The following RBL1 variants were observed in gnomAD, a reference collection of about 807,000 sequenced individuals.
RBL1 encodes RB transcriptional corepressor like 1.
A neutral mutation model predicts 123.0 loss-of-function variants in RBL1; 82 were observed. The ratio of observed to expected loss-of-function variants is 0.67; its 90% CI spans 0.56 to 0.80. The LOEUF is 0.80. RBL1 is among the 30% of genes least tolerant of loss of function. The pLI is 0.00. For missense variants in RBL1, 1,171 were observed against 1,299.6 expected (o/e 0.90, Z 1.52); for synonymous variants, 405 against 441.3 (o/e 0.92, Z 1.03).
chr20:37,088,363 ACT>A (rs774062647), intron 2 of RBL1, among the ~76,000 whole-genome samples: 1 of 151,866 alleles, frequency 6.6e-6, no homozygotes, highest in African/African-American at 2.4e-5. Context: ...ATAACAGGTG[ACT>A]CTGAGTCAAG....
At chr20:37,045,232 G>A (rs146998439) in intron 12 of RBL1, among the ~76,000 whole-genome samples, 1,725 of 151,788 alleles carry the variant, frequency 0.011, 15 homozygotes, top group Middle Eastern at 0.02. Flanking sequence ...TCAGCCTCCC[G>A]GGTAGCTGGG....
Position 37,016,387 on chromosome 20 carries a change from T to C in RBL1, c.2722+1892A>G, listed in dbSNP as rs113072939. On this transcript the variant is annotated intron_variant, in intron 19 of 21. Transcript: ENST00000373664. Reference sequence around the variant, plus strand: ...AAAAGGCTCCAGAATAATACACTTATGTAAAAAGAATTGAGTTTGGCCTAT... The same window carrying C: ...AAAAGGCTCCAGAATAATACACTTACGTAAAAAGAATTGAGTTTGGCCTAT... Among the ~76,000 whole-genome samples the C allele has an allele frequency of 3.2e-3, 494 of 152,096 alleles. 7 individuals are homozygous for C. Among genetic ancestry groups the C allele is most frequent in the African/African-American group, 0.012 (476 of 41,352 alleles).
chr20:37,036,509 C>T (rs2064614309), intron 14 of RBL1, among the ~76,000 whole-genome samples: 1 of 152,040 alleles, frequency 6.6e-6, no homozygotes, highest in Non-Finnish European at 1.5e-5. Flanking sequence ...AACTCCTGAC[C>T]TCAGGTGATC....
At chr20:37,067,172 A>G in intron 4 of RBL1, 51 bp from the exon 5 acceptor site, 1 of 1,572,818 alleles carries the variant, frequency 6.4e-7, no homozygotes, top group Non-Finnish European at 8.6e-7. Context: ...GAAACCTCTC[A>G]TGTCAAATAG....
At chr20:37,038,765 G>A (rs2146258541) in intron 14 of RBL1, among the ~76,000 whole-genome samples, 1 of 151,640 alleles carries the variant, frequency 6.6e-6, no homozygotes, top group East Asian at 1.9e-4. Context: ...ACCACACCCA[G>A]CTAATTTTTG....
chr20:37,095,902 C>T lies in RBL1; in HGVS notation c.27G>A (p.Glu9=). ...CGGCTGCGGCGACCACCGCCGCCCC[C>T]TCAGCGTGGGGCTTGTCCTCGAACA... MFEDKPHA[E]GAAVVAAAGE... Residue 9 remains glutamate (E), a synonymous_variant, in exon 1 of 22, where the codon GAG becomes GAA. Transcript: ENST00000373664. The T allele has an allele frequency of 6.2e-7, 1 of 1,602,014 alleles. No homozygotes were observed. Among genetic ancestry groups the T allele is most frequent in the African/African-American group, 1.3e-5 (1 of 74,896 alleles).
chr20:37,024,653 CTA>C (rs563054058), intron 16 of RBL1, among the ~76,000 whole-genome samples: 424 of 152,180 alleles, frequency 2.8e-3, no homozygotes, highest in Middle Eastern at 6.8e-3. Flanking sequence ...AGCTTCTAAT[CTA>C]TGAGCAGGTT....
At chr20:37,046,559 C>T (rs1392837474) in intron 12 of RBL1, among the ~76,000 whole-genome samples, 1 of 151,400 alleles carries the variant, frequency 6.6e-6, no homozygotes, top group African/African-American at 2.4e-5. Context: ...CCACTGTATG[C>T]TCAACTCTCT....
At position 37,055,680 on chromosome 20, in the gene RBL1, C is replaced by T. The variant is rs777152126; in HGVS notation, c.1364-24G>A. The T allele has an allele frequency of 4.5e-6, 7 of 1,572,702 alleles. No homozygotes were observed. The South Asian group carries it at 7.1e-5, about 16-fold the overall frequency. ...GTCTATCAGGGAAATACAGAGAAAA[C>T]ATGTGTTAATGAATTTTAGTTGTTA... On this transcript the variant is annotated intron_variant, in intron 10 of 21. Transcript: ENST00000373664.
At chr20:37,006,801 A>G (rs1322472751) in intron 20 of RBL1, among the ~76,000 whole-genome samples, 1 of 148,566 alleles carries the variant, frequency 6.7e-6, no homozygotes, top group South Asian at 2.2e-4. Flanking sequence ...AGATCGCACC[A>G]CTGCACGCCA....
chr20:37,033,703 C>T (rs532771416), intron 15 of RBL1, among the ~76,000 whole-genome samples: 1 of 151,680 alleles, frequency 6.6e-6, no homozygotes, highest in East Asian at 2.0e-4. Context: ...CCTCTGCCTC[C>T]CAGGTTCAAG....
In RBL1 at chr20:37,067,133, A is replaced by T; in HGVS notation, c.557-12T>A. 1 of 189,748 alleles carries T rather than the reference A, an allele frequency of 5.3e-6. No homozygotes were observed. Among genetic ancestry groups the T allele is most frequent in the Non-Finnish European group, 9.3e-6 (1 of 107,728 alleles). The allele number at this position is 189,748 out of a possible 1,614,324, so 11.8% of individuals were successfully genotyped here. A position where few individuals can be genotyped will look rare whatever the true frequency, so the allele number is the denominator to read the frequency against. ...CATCCGAAAATTACCTTTATAAGGG[A>T]AAAAAAAAAAAAAAAGACACAAAAA... On this transcript the variant is annotated splice_polypyrimidine_tract_variant and intron_variant, in intron 4 of 21. Transcript: ENST00000373664.
At chr20:37,082,632 T>C (rs761073555) in intron 2 of RBL1, among the ~76,000 whole-genome samples, 5 of 152,224 alleles carry the variant, frequency 3.3e-5, no homozygotes, top group Non-Finnish European at 7.3e-5. Flanking sequence ...CTTCATTTCT[T>C]GTGATTATTC....
chr20:37,051,421 T>G (rs1244486229), intron 11 of RBL1, among the ~76,000 whole-genome samples: 1 of 152,182 alleles, frequency 6.6e-6, no homozygotes, highest in East Asian at 1.9e-4. Context: ...CCTTAGGTGA[T>G]CCACCTGCGT....
intron 15 of RBL1, 94 bp from the exon 16 acceptor site, chr20:37,032,970 T>C: frequency 6.7e-7 from 1 of 1,492,502 alleles, no homozygotes; most frequent in Non-Finnish European, 8.9e-7. Context: ...CATATATCTG[T>C]GTGTATAAGA....
At chr20:37,032,982 G>A (rs2064539066) in intron 15 of RBL1, 106 bp from the exon 16 acceptor site, 16 of 1,431,660 alleles carry the variant, frequency 1.1e-5, no homozygotes, top group Non-Finnish European at 1.4e-5. Flanking sequence ...TGTATAAGAA[G>A]GCTACAAAAT....
intron 11 of RBL1, chr20:37,049,559 A>G: frequency 1.3e-6 from 1 of 756,156 alleles, no homozygotes; most frequent in Non-Finnish European, 2.4e-6. Context: ...AAATATTATA[A>G]GGTAGATGAG....
At chr20:37,003,654 G>T in intron 21 of RBL1, 48 bp downstream of exon 21, 1 of 1,520,670 alleles carries the variant, frequency 6.6e-7, no homozygotes, top group Non-Finnish European at 8.8e-7. Flanking sequence ...AGGATTAACA[G>T]TTACTGACTG....
intron 20 of RBL1, among the ~76,000 whole-genome samples, chr20:37,006,953 A>G (rs1655861923): frequency 1.3e-5 from 2 of 152,094 alleles, no homozygotes. Context: ...ATCATGGTAT[A>G]GATAAAATTC....
Sources: gnomAD v4.1 joint callset for allele counts (sites outside exome capture counted in the v4.1 genomes callset) on GRCh38, gnomAD v4.1.1 for gene constraint, MANE v1.5 for transcripts, NCBI Gene and HGNC (gene_info 2026-07-23, HGNC 2026-07-21) for gene names.